SLC36A2: variants seen among roughly 807,000 people sequenced by gnomAD.
The protein encoded by SLC36A2 is proton-coupled amino acid transporter 2.
SLC36A2 carries 39 observed loss-of-function variants against 42.7 expected under a neutral mutation model. That is an observed-to-expected ratio of 0.91 (90% CI 0.71 to 1.19). The LOEUF is 1.19. SLC36A2 is among the 50% of genes most tolerant of loss of function. The pLI is 0.00. For missense variants in SLC36A2, 590 were observed against 613.7 expected (o/e 0.96, Z 0.41); for synonymous variants, 237 against 240.8 (o/e 0.98, Z 0.15).
intron 5 of SLC36A2, among the ~76,000 whole-genome samples, chr5:151,337,523 T>C (rs576513992): frequency 6.6e-6 from 1 of 152,196 alleles, no homozygotes; most frequent in Non-Finnish European, 1.5e-5. Flanking sequence ...TAAATGCAGA[T>C]GATAAATAAA....
chr5:151,344,680 C>T (rs181287649), intron 1 of SLC36A2, among the ~76,000 whole-genome samples: 148 of 152,318 alleles, frequency 9.7e-4, no homozygotes, highest in Non-Finnish European at 1.7e-3. Context: ...TTCAGAGTCC[C>T]TGTTCTTCAC....
Position 151,347,317 on chromosome 5 carries a change from C to A in SLC36A2, c.144G>T (p.Leu48Phe). 6.2e-7 allele frequency: 1 copy of A among 1,614,150 alleles called. No individual in the cohort carries two copies. Among genetic ancestry groups the A allele is most frequent in the Non-Finnish European group, 8.5e-7 (1 of 1,179,964 alleles). Residue 48 changes from leucine (L) to phenylalanine (F), a missense_variant, in exon 1 of 10, where the codon TTG (leucine) becomes TTT (phenylalanine). Physicochemically the swap from Leu to Phe is conservative, Grantham distance 22. Transcript: ENST00000335244. Reference sequence around the variant, plus strand: ...CTCACGTTATGCCCTTGGTCTTCTTCAAGCCTGCTGACTCTGAAGGACTTT... The same window carrying A: ...CTCACGTTATGCCCTTGGTCTTCTTAAAGCCTGCTGACTCTGAAGGACTTT... Reference protein sequence around the residue: ...LDESPSESAGLKKTKGITVFQ... With the variant: ...LDESPSESAGFKKTKGITVFQ...
chr5:151,321,171 A>G (rs1405553573), intron 9 of SLC36A2, among the ~76,000 whole-genome samples: 1 of 151,214 alleles, frequency 6.6e-6, no homozygotes, highest in Non-Finnish European at 1.5e-5. Flanking sequence ...TTATTTATTT[A>G]TTAATATATT....
chr5:151,335,847 C>G (rs959837380), intron 5 of SLC36A2, among the ~76,000 whole-genome samples: 13 of 151,852 alleles, frequency 8.6e-5, no homozygotes, highest in Non-Finnish European at 1.5e-4. Context: ...TGGCCAACAT[C>G]GTGAAACCCC....
intron 7 of SLC36A2, 135 bp from the exon 8 acceptor site, chr5:151,325,587 A>ATAAGT: frequency 1.0e-6 from 1 of 957,896 alleles, no homozygotes; most frequent in Non-Finnish European, 1.6e-6. Flanking sequence ...TTATGTTCAC[A>ATAAGT]GTAGTGCTAT....
At chr5:151,318,314 T>G (rs1022277035) in intron 9 of SLC36A2, among the ~76,000 whole-genome samples, 1 of 151,542 alleles carries the variant, frequency 6.6e-6, no homozygotes, top group Non-Finnish European at 1.5e-5. Context: ...TTGGAATATA[T>G]CAATGTACAA....
chr5:151,331,261 C>G (rs752567328), intron 7 of SLC36A2, among the ~76,000 whole-genome samples: 18 of 152,044 alleles, frequency 1.2e-4, no homozygotes, highest in Admixed American at 2.0e-4. Context: ...TGAGGTAAAT[C>G]TCTATGACCT....
At chr5:151,331,538 C>G (rs55820907) in intron 7 of SLC36A2, among the ~76,000 whole-genome samples, 4,374 of 151,830 alleles carry the variant, frequency 0.029, 214 homozygotes, top group African/African-American at 0.099. Flanking sequence ...AGGCTGGTCT[C>G]AAACTCCTGC....
chr5:151,328,197 T>C (rs998992381), intron 7 of SLC36A2, among the ~76,000 whole-genome samples: 6 of 152,238 alleles, frequency 3.9e-5, no homozygotes, highest in African/African-American at 1.4e-4. Flanking sequence ...CAGTTCCATC[T>C]AGATGAAGTA....
At chr5:151,325,543 C>T in intron 7 of SLC36A2, 91 bp from the exon 8 acceptor site, 3 of 1,338,522 alleles carry the variant, frequency 2.2e-6, no homozygotes, top group African/African-American at 2.9e-5. Context: ...CCCCAAAGAA[C>T]TGAAAGCAGG....
chr5:151,339,161 A>G lies in SLC36A2; in HGVS notation c.441-17T>C, dbSNP rs1381841112. On this transcript the variant is annotated splice_polypyrimidine_tract_variant and intron_variant, in intron 4 of 9. Transcript: ENST00000335244. ...ACGATATGCCTAGAAGGGAGAAGAG[A>G]GGGAAAAAGAAAACTTGTTATAAAA... 2.5e-6 allele frequency: 4 copies of G among 1,584,130 alleles called. No individual in the cohort carries two copies. In the East Asian group the frequency reaches 9.0e-5, roughly 36 times the overall value.
chr5:151,317,088 C>A lies in SLC36A2; in HGVS notation c.1181G>T (p.Cys394Phe). 6.2e-7 allele frequency: 1 copy of A among 1,613,942 alleles called. No homozygotes were observed. The highest frequency in any genetic ancestry group is 8.5e-7 in the Non-Finnish European group (1 of 1,179,946). ...GCGGGGGATGAGGATGGCCAGGAGG[C>A]CTGCAGGGAGAGGATAGTGGAGAGA... The part of the protein sequence containing the change: ...SIRLVMVCLT[C>F]LLAILIPRLD... Residue 394 changes from cysteine to phenylalanine, a missense_variant and splice_region_variant, in exon 10 of 10, where the codon TGC (cysteine) becomes TTC (phenylalanine). Coordinates refer to ENST00000335244, the MANE Select transcript of SLC36A2 (RefSeq NM_181776.3).
chr5:151,347,033 A>G (rs560873992), intron 1 of SLC36A2, among the ~76,000 whole-genome samples: 2 of 152,210 alleles, frequency 1.3e-5, no homozygotes, highest in South Asian at 4.1e-4. Context: ...TATCCTGCCA[A>G]TGACTCAGTA....
rs1457376693 is a variant in SLC36A2 at position 151,315,755 on chromosome 5, G to A, written c.*1062C>T. 2 of 152,228 alleles carry A rather than the reference G, an allele frequency of 1.3e-5. No homozygotes were observed. The highest frequency in any genetic ancestry group is 2.9e-5 in the Non-Finnish European group (2 of 68,034). 9.4% of individuals were successfully genotyped at this position (152,228 alleles called of 1,614,324 possible). On this transcript the variant is annotated 3_prime_UTR_variant, in exon 10 of 10. Coordinates refer to ENST00000335244, the MANE Select transcript of SLC36A2 (RefSeq NM_181776.3). ...TCACGAGGAATTTATGGTCATTTTTGCAATATTCTACAAAATCTTGTTTGG... is the reference window on the plus strand; with the variant it reads ...TCACGAGGAATTTATGGTCATTTTTACAATATTCTACAAAATCTTGTTTGG...
At chr5:151,323,027 C>T (rs994377582) in intron 8 of SLC36A2, among the ~76,000 whole-genome samples, 3 of 152,130 alleles carry the variant, frequency 2.0e-5, no homozygotes, top group Non-Finnish European at 4.4e-5. Flanking sequence ...CCTGAGGTCA[C>T]GAATTTGAGA....
intron 9 of SLC36A2, among the ~76,000 whole-genome samples, chr5:151,321,229 A>G (rs1755677368): frequency 2.0e-5 from 3 of 151,878 alleles, no homozygotes; most frequent in Non-Finnish European, 2.9e-5. Flanking sequence ...CAATGGTTCA[A>G]TCTCAGCTCA....
At chr5:151,340,751 C>G (rs1207081487) in intron 4 of SLC36A2, among the ~76,000 whole-genome samples, 2 of 152,138 alleles carry the variant, frequency 1.3e-5, no homozygotes, top group East Asian at 3.9e-4. Context: ...GAAAGAACTT[C>G]AGTAGAATTA....
chr5:151,332,528 G>T (rs916743559), intron 7 of SLC36A2: 2 of 432,870 alleles, frequency 4.6e-6, no homozygotes, highest in African/African-American at 2.0e-5. Flanking sequence ...TGGACGCTCT[G>T]CAATAGAAAG....
chr5:151,330,223 C>T (rs550224047), intron 7 of SLC36A2, among the ~76,000 whole-genome samples: 2 of 151,828 alleles, frequency 1.3e-5, no homozygotes, highest in South Asian at 2.1e-4. Flanking sequence ...CAAGAAATCT[C>T]GTAGAGGGCA....
Sources: gnomAD v4.1 joint callset for allele counts (sites outside exome capture counted in the v4.1 genomes callset) on GRCh38, gnomAD v4.1.1 for gene constraint, MANE v1.5 for transcripts, NCBI Gene and HGNC (gene_info 2026-07-23, HGNC 2026-07-21) for gene names.